CCNL1: variants seen among roughly 807,000 people sequenced by gnomAD.
The protein encoded by CCNL1 is cyclin-L1.
CCNL1 carries 13 observed loss-of-function variants against 60.6 expected under a neutral mutation model. That is an observed-to-expected ratio of 0.21 (90% CI 0.14 to 0.34). The LOEUF (loss-of-function observed/expected upper bound fraction) is 0.34, where lower values mean the gene tolerates loss of function less well. Ranked by LOEUF, CCNL1 falls within the 10% of genes least tolerant of loss-of-function variation. The probability of loss-of-function intolerance (pLI) is 1.00; values close to 1 mark genes in which losing one functional copy is unlikely to be tolerated. For missense variants in CCNL1, 481 were observed against 664.3 expected, an observed-to-expected ratio of 0.72 and a Z score of 3.03; for synonymous variants, 270 against 244.3, an observed-to-expected ratio of 1.10 and a Z score of -0.98.
chr3:157,152,434 A>G, intron 4 of CCNL1, 193 bp from the exon 5 acceptor site: 1 of 1,278,638 alleles, frequency 7.8e-7, no homozygotes, highest in Non-Finnish European at 9.9e-7. Flanking sequence ...TATGTTTAGA[A>G]GCATATTTCA....
chr3:157,150,057 G>A lies in CCNL1; in HGVS notation c.879+8C>T. ...GCATGTTGGCACAAACGAGTAAATA[G>A]AGAATACCTTTTTTCTGGTATAAAG... On this transcript the variant is annotated splice_region_variant and intron_variant, in intron 7 of 10. Transcript: ENST00000295926. 1 of 1,608,414 alleles carries A rather than the reference G, an allele frequency of 6.2e-7. No homozygotes were observed. Among genetic ancestry groups the A allele is most frequent in the Non-Finnish European group, 8.5e-7 (1 of 1,178,288 alleles).
At chr3:157,145,460 AAAAACC>A (rs1413141287), downstream of CCNL1, among the ~76,000 whole-genome samples, 3 of 148,148 alleles carry the variant, frequency 2.0e-5, no homozygotes, top group Admixed American at 6.7e-5. Context: ...AAAAAAAAAA[AAAAACC>A]AAAACGGGAT....
In CCNL1 at chr3:157,160,129, C is replaced by T. The variant is rs1738985959; in HGVS notation, c.-35G>A. The stretch of plus-strand genomic sequence containing the variant: ...GAGCCGCACGCAAGCCCAACGCAGC[C>T]GGAACCCGAAACAAGACTAACCAGC... On this transcript the variant is annotated 5_prime_UTR_variant, in exon 1 of 11. Transcript: ENST00000295926. The T allele has an allele frequency of 6.6e-7, 1 of 1,525,172 alleles. No individual in the cohort carries two copies. Among genetic ancestry groups the T allele is most frequent in the Non-Finnish European group, 8.8e-7 (1 of 1,133,944 alleles). The allele number at this position is 1,525,172 out of a possible 1,614,324, so 94.5% of individuals were successfully genotyped here. A position where few individuals can be genotyped will look rare whatever the true frequency, so the allele number is the denominator to read the frequency against.
At chr3:157,152,873 T>C in intron 4 of CCNL1, 163 bp downstream of exon 4, 4 of 1,381,566 alleles carry the variant, frequency 2.9e-6, no homozygotes, top group Non-Finnish European at 3.7e-6. Flanking sequence ...TACTGATAAA[T>C]CTCAACATCC....
At chr3:157,152,682 C>A in intron 4 of CCNL1, 1 of 1,107,040 alleles carries the variant, frequency 9.0e-7, no homozygotes, top group South Asian at 2.4e-5. Context: ...GAACATTCTA[C>A]TATGATGATA....
In CCNL1 at chr3:157,148,178, T is replaced by C. The variant is rs1737877239; in HGVS notation, c.*63A>G. The C allele has an allele frequency of 6.5e-7, 1 of 1,543,508 alleles. No homozygotes were observed. Among genetic ancestry groups the C allele is most frequent in the Admixed American group, 2.1e-5 (1 of 47,718 alleles). Reference sequence around the variant, plus strand: ...TTTGCGTTTAATGTTTTTGATTGAGTCCATACATCACACTGTAGATAGGCA... The same window carrying C: ...TTTGCGTTTAATGTTTTTGATTGAGCCCATACATCACACTGTAGATAGGCA... On this transcript the variant is annotated 3_prime_UTR_variant, in exon 11 of 11. Transcript: ENST00000295926.
At chr3:157,154,005 G>A (rs1342295670) in intron 3 of CCNL1, 2 of 152,054 alleles carry the variant, frequency 1.3e-5, no homozygotes, top group Admixed American at 6.6e-5. Context: ...GGGAATGAAG[G>A]GCCATAATGA....
chr3:157,155,309 G>A (rs1287517102), intron 3 of CCNL1, among the ~76,000 whole-genome samples: 1 of 152,044 alleles, frequency 6.6e-6, no homozygotes, highest in African/African-American at 2.4e-5. Flanking sequence ...GCCTTCAAAT[G>A]GTGATATAAT....
At chr3:157,146,446 A>G (rs1028994841), downstream of CCNL1, 1 of 418,818 alleles carries the variant, frequency 2.4e-6, no homozygotes, top group African/African-American at 2.1e-5. Context: ...CCCCATCTTC[A>G]CAAACAACCC....
intron 5 of CCNL1, chr3:157,151,387 C>G: frequency 1.0e-6 from 1 of 985,862 alleles, no homozygotes; most frequent in Non-Finnish European, 1.2e-6. Flanking sequence ...CCAAATCACA[C>G]ATCTGCATCT....
chr3:157,149,008 AAAAAG>A (rs1737960559), intron 10 of CCNL1: 3 of 357,062 alleles, frequency 8.4e-6, no homozygotes, highest in African/African-American at 2.1e-5. Context: ...TTAAAAAAAA[AAAAAG>A]AAGTTTTCAC....
intron 5 of CCNL1, chr3:157,151,518 G>A (rs1738192084): frequency 2.0e-6 from 2 of 985,866 alleles, no homozygotes; most frequent in Non-Finnish European, 2.4e-6. Context: ...TATAAATTAA[G>A]CCAGTGTGGG....
intron 3 of CCNL1, among the ~76,000 whole-genome samples, chr3:157,155,602 A>C (rs1738554077): frequency 6.6e-6 from 1 of 152,186 alleles, no homozygotes; most frequent in Admixed American, 6.5e-5. Context: ...AATTGGTTCT[A>C]CCTCACAAAT....
At chr3:157,146,308 TTCAG>T (rs1455120768), downstream of CCNL1, among the ~76,000 whole-genome samples, 4 of 152,118 alleles carry the variant, frequency 2.6e-5, no homozygotes, top group South Asian at 2.1e-4. Flanking sequence ...AGAAAACGGA[TTCAG>T]TAACAGACAA....
chr3:157,152,085 TTA>T (rs1396961070), intron 5 of CCNL1, 90 bp downstream of exon 5: 1 of 1,554,812 alleles, frequency 6.4e-7, no homozygotes, highest in East Asian at 2.3e-5. Context: ...CCAAACAAAC[TTA>T]TCTCATTATT....
At chr3:157,152,494 T>A (rs1205615098) in intron 4 of CCNL1, 2 of 1,179,362 alleles carry the variant, frequency 1.7e-6, no homozygotes, top group African/African-American at 3.3e-5. Flanking sequence ...CATTGGCACT[T>A]TACTATGTGA....
At position 157,159,927 on chromosome 3, in the gene CCNL1, G is replaced by A. The variant is rs765133946; in HGVS notation, c.168C>T (p.His56=). Residue 56 remains histidine (H), a synonymous_variant, in exon 1 of 11, where the codon CAC becomes CAT. Transcript: ENST00000295926. ...LYSEVSLTID[H]SLIPEERLSP... is the part of the protein sequence containing the mutation. ...AGAGCCTCTCCTCCGGAATCAGAGA[G>A]TGGTCGATGGTAAGTGAAACTTCCG... 3 of 1,606,628 alleles carry A rather than the reference G, an allele frequency of 1.9e-6. No individual in the cohort carries two copies. Among genetic ancestry groups the A allele is most frequent in the Non-Finnish European group, 2.5e-6 (3 of 1,176,534 alleles).
At chr3:157,153,210 AT>A (rs2108123378) in intron 3 of CCNL1, 54 bp from the exon 4 acceptor site, 1 of 1,567,538 alleles carries the variant, frequency 6.4e-7, no homozygotes, top group East Asian at 2.3e-5. Flanking sequence ...AAAAAATTTT[AT>A]TTGTGGCATC....
chr3:157,160,029 C>A lies in CCNL1; in HGVS notation c.66G>T (p.Ala22=). The part of the protein sequence containing the change: ...AAAASSAAPS[A]GGSSSGTTTT... The stretch of plus-strand genomic sequence containing the variant: ...TCGTCGTCCCGGAGCTGGAGCCGCC[C>A]GCGCTTGGGGCGGCCGATGAGGCGG... The change falls in exon 1 of 11, where the codon GCG becomes GCT. Residue 22 remains alanine, a synonymous_variant. Coordinates refer to ENST00000295926, the MANE Select transcript of CCNL1 (RefSeq NM_020307.4). 2 of 1,568,450 alleles carry A rather than the reference C, an allele frequency of 1.3e-6. No homozygotes were observed. Among genetic ancestry groups the A allele is most frequent in the Non-Finnish European group, 8.6e-7 (1 of 1,156,914 alleles).
Sources: allele counts gnomAD v4.1 joint callset (sites outside exome capture counted in the v4.1 genomes callset), GRCh38; gene constraint gnomAD v4.1.1; transcripts MANE v1.5; gene names NCBI Gene and HGNC (gene_info 2026-07-23, HGNC 2026-07-21).